FAF1: variants seen among roughly 807,000 people sequenced by gnomAD.
FAF1 encodes the protein FAS-associated factor 1.
FAF1 carries 25 observed loss-of-function variants against 92.5 expected under a neutral mutation model. The observed-to-expected ratio is 0.27, with a 90% CI of 0.20 to 0.38. The LOEUF (loss-of-function observed/expected upper bound fraction) is 0.38, where lower values mean the gene tolerates loss of function less well. Among genes scored for constraint, FAF1 ranks in the 10% least tolerant of loss-of-function variants. FAF1 has a pLI of 1.00. For missense variants in FAF1, 636 were observed against 793.3 expected, an observed-to-expected ratio of 0.80 and a Z score of 2.38; for synonymous variants, 234 against 273.2, an observed-to-expected ratio of 0.86 and a Z score of 1.42.
chr1:50,479,233 G>C (rs9629022), intron 17 of FAF1, among the ~76,000 whole-genome samples: 1 of 144,200 alleles, frequency 6.9e-6, no homozygotes, highest in Non-Finnish European at 1.5e-5. Flanking sequence ...AATGTTTTTA[G>C]GTGGGCCGCC....
chr1:50,479,183 C>T (rs763018994), intron 17 of FAF1, among the ~76,000 whole-genome samples: 7 of 151,552 alleles, frequency 4.6e-5, no homozygotes, highest in East Asian at 1.9e-4. Flanking sequence ...GGAATAGAGC[C>T]GATAACATCT....
chr1:50,734,141 C>T (rs1264768146), intron 6 of FAF1, among the ~76,000 whole-genome samples: 1 of 152,062 alleles, frequency 6.6e-6, no homozygotes, highest in East Asian at 1.9e-4. Context: ...TACATTTTTC[C>T]TACTTGCTGT....
At chr1:50,479,718 T>C (rs1646678498) in intron 17 of FAF1, among the ~76,000 whole-genome samples, 1 of 152,190 alleles carries the variant, frequency 6.6e-6, no homozygotes, top group East Asian at 1.9e-4. Flanking sequence ...CAACAGTAGC[T>C]CGTTACTTCA....
chr1:50,822,573 A>C (rs1489470142), intron 2 of FAF1, among the ~76,000 whole-genome samples: 1 of 152,164 alleles, frequency 6.6e-6, no homozygotes, highest in East Asian at 1.9e-4. Flanking sequence ...AGCCTCACAT[A>C]AACACCCACT....
intron 15 of FAF1, among the ~76,000 whole-genome samples, chr1:50,511,546 C>T (rs1431356722): frequency 6.6e-6 from 1 of 152,142 alleles, no homozygotes; most frequent in Non-Finnish European, 1.5e-5. Context: ...TGGCTTCCAG[C>T]TTCATCCATG....
chr1:50,951,500 G>A (rs183596912), intron 1 of FAF1, among the ~76,000 whole-genome samples: 34 of 152,286 alleles, frequency 2.2e-4, no homozygotes, highest in Non-Finnish European at 7.4e-5. Flanking sequence ...TGAGGCAGAG[G>A]GGTGTGAGGT....
chr1:50,694,783 T>TAA (rs1401926216), intron 7 of FAF1, among the ~76,000 whole-genome samples: 3 of 55,470 alleles, frequency 5.4e-5, no homozygotes, highest in African/African-American at 2.2e-4. Flanking sequence ...CCATCTCTAC[T>TAA]AAAAAATACA....
chr1:50,568,484 A>C (rs747972870), intron 12 of FAF1, among the ~76,000 whole-genome samples: 9 of 152,170 alleles, frequency 5.9e-5, no homozygotes, highest in Non-Finnish European at 1.3e-4. Flanking sequence ...TGTTTTCTTC[A>C]AAGGTAAATT....
intron 2 of FAF1, among the ~76,000 whole-genome samples, chr1:50,804,509 C>T (rs1370264736): frequency 6.6e-6 from 1 of 152,028 alleles, no homozygotes; most frequent in Non-Finnish European, 1.5e-5. Flanking sequence ...CTATAAGGAG[C>T]TATTACACAA....
chr1:50,636,185 A>C (rs1653998346), intron 8 of FAF1, among the ~76,000 whole-genome samples: 1 of 152,104 alleles, frequency 6.6e-6, no homozygotes, highest in Admixed American at 6.5e-5. Flanking sequence ...TCTACAGTAA[A>C]ATGCACCCAT....
chr1:50,651,894 A>G (rs996214563), intron 8 of FAF1, among the ~76,000 whole-genome samples: 1 of 152,236 alleles, frequency 6.6e-6, no homozygotes, highest in Non-Finnish European at 1.5e-5. Flanking sequence ...GTTTTACGAC[A>G]TATTATTTGG....
intron 6 of FAF1, among the ~76,000 whole-genome samples, chr1:50,717,576 A>C (rs941029530): frequency 6.6e-6 from 1 of 152,224 alleles, no homozygotes; most frequent in Non-Finnish European, 1.5e-5. Context: ...GTACTCAAGT[A>C]AACAGCTGTC....
intron 7 of FAF1, among the ~76,000 whole-genome samples, chr1:50,689,989 A>C (rs1020431120): frequency 2.5e-4 from 34 of 135,038 alleles, no homozygotes; most frequent in Non-Finnish European, 4.4e-4. Flanking sequence ...ATTACATTAT[A>C]TTTCTTTTTT....
chr1:50,943,040 T>C (rs1319074825), intron 1 of FAF1, among the ~76,000 whole-genome samples: 1 of 152,140 alleles, frequency 6.6e-6, no homozygotes, highest in Non-Finnish European at 1.5e-5. Flanking sequence ...ATCAGTACCC[T>C]ATTCACAAGA....
chr1:50,486,255 G>C (rs1210000538), intron 17 of FAF1, among the ~76,000 whole-genome samples: 1 of 152,178 alleles, frequency 6.6e-6, no homozygotes, highest in African/African-American at 2.4e-5. Context: ...AGAACCATCA[G>C]CAAAAGGGAA....
intron 1 of FAF1, among the ~76,000 whole-genome samples, chr1:50,919,644 C>T (rs540755024): frequency 2.0e-5 from 3 of 152,140 alleles, no homozygotes; most frequent in Admixed American, 1.3e-4. Context: ...CCTGACACCA[C>T]GTCTGGCTAA....
At chr1:50,554,677 T>C (rs1319327910) in intron 13 of FAF1, among the ~76,000 whole-genome samples, 3 of 152,116 alleles carry the variant, frequency 2.0e-5, no homozygotes, top group Non-Finnish European at 4.4e-5. Context: ...AGCATGCTTA[T>C]GTTATAATCT....
chr1:50,498,538 A>G (rs1646929379), intron 15 of FAF1, among the ~76,000 whole-genome samples: 1 of 152,170 alleles, frequency 6.6e-6, no homozygotes, highest in Non-Finnish European at 1.5e-5. Context: ...CAACAACTAA[A>G]CAACAAAGAA....
At chr1:50,519,690 C>T (rs1409209301) in intron 15 of FAF1, among the ~76,000 whole-genome samples, 1 of 152,142 alleles carries the variant, frequency 6.6e-6, no homozygotes, top group Non-Finnish European at 1.5e-5. Context: ...AATCTTTCTG[C>T]CTAACCAAGT....
Sources: gnomAD v4.1 joint callset for allele counts (sites outside exome capture counted in the v4.1 genomes callset) on GRCh38, gnomAD v4.1.1 for gene constraint, MANE v1.5 for transcripts, NCBI Gene and HGNC (gene_info 2026-07-23, HGNC 2026-07-21) for gene names.